Variants in WDPCP observed in about 807,000 individuals in gnomAD.
WDPCP encodes WD repeat-containing and planar cell polarity effector protein fritz homolog.
WDPCP carries 71 observed loss-of-function variants against 93.1 expected under a neutral mutation model. That is an observed-to-expected ratio of 0.76 (90% confidence interval 0.63 to 0.93). The LOEUF is 0.93. WDPCP is among the 40% of genes least tolerant of loss of function. WDPCP has a pLI of 0.00. For synonymous variants in WDPCP, 315 were observed against 315.0 expected (o/e 1.00, Z 0.00); for missense variants, 844 against 887.4 (o/e 0.95, Z 0.62).
chr2:63,642,503 A>T, intron 3 of WDPCP: 2 of 142,114 alleles, frequency 1.4e-5, no homozygotes, highest in African/African-American at 2.6e-5. Flanking sequence ...TAGAATTTTC[A>T]TTATAGAGAT....
At chr2:63,723,565 G>A (rs999238276) in intron 2 of WDPCP, among the ~76,000 whole-genome samples, 1 of 152,136 alleles carries the variant, frequency 6.6e-6, no homozygotes, top group Non-Finnish European at 1.5e-5. Context: ...ACAATGCTTT[G>A]CACATAGTTG....
At chr2:63,672,122 C>T (rs976503645) in intron 2 of WDPCP, among the ~76,000 whole-genome samples, 1 of 152,270 alleles carries the variant, frequency 6.6e-6, no homozygotes, top group East Asian at 1.9e-4. Flanking sequence ...AGAGTACCTG[C>T]CCTCTAGGAC....
intron 13 of WDPCP, among the ~76,000 whole-genome samples, chr2:63,261,267 T>C (rs1023391643): frequency 1.7e-4 from 26 of 151,976 alleles, no homozygotes; most frequent in Non-Finnish European, 3.5e-4. Context: ...GCAGTGTTTT[T>C]CAGACCTTGA....
At chr2:63,213,690 G>A (rs1396820352) in intron 14 of WDPCP, among the ~76,000 whole-genome samples, 1 of 151,986 alleles carries the variant, frequency 6.6e-6, no homozygotes, top group African/African-American at 2.4e-5. Context: ...CAGGAGCTGG[G>A]TTTTTGAAAG....
chr2:63,368,914 A>G (rs1691160098), intron 12 of WDPCP: 2 of 152,842 alleles, frequency 1.3e-5, no homozygotes. Flanking sequence ...TCTGCCAAAT[A>G]AATTCTTGAT....
At position 63,333,858 on chromosome 2, in the gene WDPCP, CAG is replaced by C. The variant is rs200682628; in HGVS notation, c.1749-20549_1749-20548del. Among the ~76,000 whole-genome samples, 81 of 152,296 alleles carry C rather than the reference CAG, an allele frequency of 5.3e-4. 2 individuals are homozygous for C. The East Asian group carries it at 0.013, about 25-fold the overall frequency. On this transcript the variant is annotated intron_variant, in intron 12 of 17. Coordinates refer to ENST00000272321, the MANE Select transcript of WDPCP (RefSeq NM_015910.7). ...AGAATAAATCTCTTAAAATATTTTA[CAG>C]AGTTTGACTCTTTTCAACAACACAT... is the stretch of plus-strand genomic sequence containing the variant.
At chr2:63,238,933 TC>T (rs1338423178) in intron 14 of WDPCP, among the ~76,000 whole-genome samples, 2 of 152,126 alleles carry the variant, frequency 1.3e-5, no homozygotes, top group Non-Finnish European at 2.9e-5. Context: ...TTTGCCAATT[TC>T]CACGACATAA....
chr2:63,403,142 C>T (rs1486830274), intron 10 of WDPCP, among the ~76,000 whole-genome samples: 1 of 152,030 alleles, frequency 6.6e-6, no homozygotes, highest in Non-Finnish European at 1.5e-5. Context: ...CGGAGCTGAA[C>T]GCCATTATCC....
chr2:63,764,942 A>G (rs1225739838), intron 2 of WDPCP, among the ~76,000 whole-genome samples: 1 of 152,218 alleles, frequency 6.6e-6, no homozygotes, highest in Non-Finnish European at 1.5e-5. Context: ...TTGAAAATGG[A>G]AAGAGCTGCT....
At chr2:63,632,890 C>G (rs1709878972) in intron 3 of WDPCP, among the ~76,000 whole-genome samples, 2 of 152,112 alleles carry the variant, frequency 1.3e-5, no homozygotes, top group African/African-American at 4.8e-5. Flanking sequence ...GATCCCCATA[C>G]AGATTCAATC....
At chr2:63,179,432 A>G (rs1002800686) in intron 14 of WDPCP, among the ~76,000 whole-genome samples, 2 of 151,818 alleles carry the variant, frequency 1.3e-5, no homozygotes, top group South Asian at 2.1e-4. Context: ...CTGTCTTTGC[A>G]ATAGTGAGTT....
Position 63,484,972 on chromosome 2 carries a change from C to G in WDPCP, c.269G>C (p.Trp90Ser). The change falls in exon 5 of 18, where the codon TGG becomes TCG. Residue 90 changes from tryptophan to serine, a missense_variant. Coordinates refer to ENST00000272321, the MANE Select transcript of WDPCP (RefSeq NM_015910.7). ...QKLAESRDYP[W>S]TLKNRRPEKL... ...TTCTGGGCGTCTGTTTTTGAGCGTCCAAGGATAATCTCGTGCTGGCAAATA... is the reference window on the plus strand; with the variant it reads ...TTCTGGGCGTCTGTTTTTGAGCGTCGAAGGATAATCTCGTGCTGGCAAATA... 2 of 1,612,390 alleles carry G rather than the reference C, an allele frequency of 1.2e-6. No homozygotes were observed. The highest frequency in any genetic ancestry group is 1.7e-6 in the Non-Finnish European group (2 of 1,178,962).
chr2:63,665,972 G>C (rs574320609), intron 2 of WDPCP, among the ~76,000 whole-genome samples: 37 of 152,200 alleles, frequency 2.4e-4, no homozygotes, highest in Non-Finnish European at 1.0e-4. Flanking sequence ...TAGGAATTGT[G>C]GTTTAAGTCA....
chr2:63,467,810 G>T (rs552571377), intron 6 of WDPCP, among the ~76,000 whole-genome samples: 56 of 148,746 alleles, frequency 3.8e-4, no homozygotes, highest in African/African-American at 1.3e-3. Flanking sequence ...ATTGCCCAAG[G>T]AAGACTAATT....
At chr2:63,806,275 G>A (rs1670761636) in intron 2 of WDPCP, among the ~76,000 whole-genome samples, 1 of 152,120 alleles carries the variant, frequency 6.6e-6, no homozygotes, top group Non-Finnish European at 1.5e-5. Context: ...GTCCGGGGGG[G>A]ACATCACATG....
chr2:63,557,209 A>G (rs539248078), intron 1 of WDPCP, among the ~76,000 whole-genome samples: 53 of 152,350 alleles, frequency 3.5e-4, no homozygotes, highest in African/African-American at 1.2e-3. Context: ...AAAGACACAG[A>G]ATGACAAGCT....
chr2:63,162,321 G>A (rs2103903396), intron 15 of WDPCP, among the ~76,000 whole-genome samples: 1 of 151,692 alleles, frequency 6.6e-6, no homozygotes, highest in South Asian at 2.1e-4. Context: ...TATTATTCTT[G>A]TTGAATTTCT....
intron 14 of WDPCP, among the ~76,000 whole-genome samples, chr2:63,255,122 G>A (rs953582197): frequency 6.6e-6 from 1 of 152,046 alleles, no homozygotes; most frequent in African/African-American, 2.4e-5. Context: ...TTACTGAAGG[G>A]AACTTTATTA....
At chr2:63,634,024 T>A (rs1477867020) in intron 3 of WDPCP, among the ~76,000 whole-genome samples, 6 of 152,098 alleles carry the variant, frequency 3.9e-5, no homozygotes, top group Admixed American at 2.0e-4. Flanking sequence ...ATCACACCAC[T>A]GCACTCCAGC....
Sources: gnomAD v4.1 joint callset for allele counts (sites outside exome capture counted in the v4.1 genomes callset) on GRCh38, gnomAD v4.1.1 for gene constraint, MANE v1.5 for transcripts, NCBI Gene and HGNC (gene_info 2026-07-23, HGNC 2026-07-21) for gene names.